The following CNOT7 variants were observed in gnomAD, a reference collection of about 807,000 sequenced individuals.
The protein encoded by CNOT7 is BTG1-binding factor 1.
CNOT7 carries 4 observed loss-of-function variants against 37.1 expected under a neutral mutation model. The observed-to-expected ratio is 0.11, with a 90% CI of 0.05 to 0.25. The LOEUF is 0.25. Among genes scored for constraint, CNOT7 ranks in the 10% least tolerant of loss-of-function variants. The pLI is 1.00. For synonymous variants in CNOT7, 128 were observed against 115.6 expected, an observed-to-expected ratio of 1.11 and a Z score of -0.69; for missense variants, 170 against 336.2, an observed-to-expected ratio of 0.51 and a Z score of 3.87.
chr8:17,244,791 T>C, intron 2 of CNOT7: 3 of 402,576 alleles, frequency 7.5e-6, no homozygotes, highest in Non-Finnish European at 1.3e-5. Flanking sequence ...CTAACTCTTA[T>C]TCAAACGGCC....
rs1403533435 is a variant in CNOT7 at position 17,227,193 on chromosome 8, A to G, written c.*3527T>C. 1.3e-5 allele frequency: 2 copies of G among 151,906 alleles called. No homozygotes were observed. The highest frequency in any genetic ancestry group is 1.9e-4 in the East Asian group (1 of 5,198). 9.4% of individuals were successfully genotyped at this position (151,906 alleles called of 1,614,324 possible). A position where few individuals can be genotyped will look rare whatever the true frequency, so the allele number is the denominator to read the frequency against. ...CACAAGCCTTAAAATTTGACCAAATAAACTTTTTTTCTGCTTCATGCATTT... is the reference window on the plus strand; with the variant it reads ...CACAAGCCTTAAAATTTGACCAAATGAACTTTTTTTCTGCTTCATGCATTT... On this transcript the variant is annotated 3_prime_UTR_variant, in exon 7 of 7. Coordinates refer to ENST00000361272, the MANE Select transcript of CNOT7 (RefSeq NM_013354.7).
chr8:17,246,722 C>G lies in CNOT7; in HGVS notation c.-143G>C, dbSNP rs1251962364. 1 of 191,342 alleles carries G rather than the reference C, an allele frequency of 5.2e-6. No homozygotes were observed. The highest frequency in any genetic ancestry group is 2.4e-5 in the African/African-American group (1 of 41,686). 11.9% of individuals were successfully genotyped at this position (191,342 alleles called of 1,614,324 possible). ...CTCCTCCTCCTCCTCGCCATAGAGA[C>G]AGCACTCGGCGGCGGTGGCGGTGGC... On this transcript the variant is annotated 5_prime_UTR_variant, in exon 1 of 7. Transcript: ENST00000361272.
chr8:17,243,199 T>G lies in CNOT7; in HGVS notation c.118-14A>C. ...AAACTCGGTGTCCTGTAAAATAGTT[T>G]TAAGATTCATTATGTACTAAACAGT... On this transcript the variant is annotated splice_polypyrimidine_tract_variant and intron_variant, in intron 2 of 6. Coordinates refer to ENST00000361272, the MANE Select transcript of CNOT7 (RefSeq NM_013354.7). 2 of 1,572,194 alleles carry G rather than the reference T, an allele frequency of 1.3e-6. No homozygotes were observed. Among genetic ancestry groups the G allele is most frequent in the South Asian group, 1.2e-5 (1 of 83,388 alleles).
At chr8:17,242,014 A>G (rs1429543495) in intron 3 of CNOT7, 1 of 152,224 alleles carries the variant, frequency 6.6e-6, no homozygotes, top group African/African-American at 2.4e-5. Context: ...CCTGGTCAGC[A>G]TGTCGTTCCG....
chr8:17,243,524 T>C (rs1158800947), intron 2 of CNOT7: 1 of 481,570 alleles, frequency 2.1e-6, no homozygotes, highest in Admixed American at 2.3e-5. Context: ...ATTCCAATGC[T>C]AAAACCAAGT....
At chr8:17,231,070 T>C (rs1181279540) in intron 6 of CNOT7, among the ~76,000 whole-genome samples, 2 of 152,102 alleles carry the variant, frequency 1.3e-5, no homozygotes, top group East Asian at 3.9e-4. Context: ...AAAAAAAGTG[T>C]ATAAATGCAT....
chr8:17,245,274 G>A lies in CNOT7; in HGVS notation c.-95-27C>T, dbSNP rs142972655. The stretch of plus-strand genomic sequence containing the variant: ...TGTCAAAATAAAAAAACAATATGAA[G>A]ACCAGATATATCAAATCTGAATCAC... On this transcript the variant is annotated intron_variant, in intron 1 of 6. Transcript: ENST00000361272. 8.3e-4 allele frequency: 806 copies of A among 976,568 alleles called. 4 individuals are homozygous for A. The African/African-American group carries it at 0.013, about 15-fold the overall frequency. 60.5% of individuals were successfully genotyped at this position (976,568 alleles called of 1,614,324 possible).
At position 17,228,056 on chromosome 8, in the gene CNOT7, C is replaced by G. The variant is rs1202299927; in HGVS notation, c.*2664G>C. 1 of 151,900 alleles carries G rather than the reference C, an allele frequency of 6.6e-6. No homozygotes were observed. Among genetic ancestry groups the G allele is most frequent in the Non-Finnish European group, 1.5e-5 (1 of 67,826 alleles). 9.4% of individuals were successfully genotyped at this position (151,900 alleles called of 1,614,324 possible). On this transcript the variant is annotated 3_prime_UTR_variant, in exon 7 of 7. Coordinates refer to ENST00000361272, the MANE Select transcript of CNOT7 (RefSeq NM_013354.7). ...GATAATATGTAAATTAGTGTGGCTGCATTCCAATAAAAACTTATAGACACT... is the reference window on the plus strand; with the variant it reads ...GATAATATGTAAATTAGTGTGGCTGGATTCCAATAAAAACTTATAGACACT...
chr8:17,232,014 G>A, intron 6 of CNOT7: 9 of 1,009,024 alleles, frequency 8.9e-6, no homozygotes, highest in Non-Finnish European at 1.1e-5. Context: ...ACCTTAAAAG[G>A]GGTCATGCTA....
intron 1 of CNOT7, 123 bp from the exon 2 acceptor site, chr8:17,245,370 C>CAA (rs1239979074): frequency 1.2e-5 from 5 of 424,386 alleles, no homozygotes; most frequent in African/African-American, 2.1e-5. Flanking sequence ...AAAAAAAAAT[C>CAA]AAAGTTTAGA....
At chr8:17,233,478 C>G (rs967624760) in intron 5 of CNOT7, among the ~76,000 whole-genome samples, 2 of 152,218 alleles carry the variant, frequency 1.3e-5, no homozygotes, top group African/African-American at 4.8e-5. Context: ...AATTTTAACA[C>G]AGCAGCTTAC....
At position 17,230,504 on chromosome 8, in the gene CNOT7, A is replaced by G. The variant is rs1462641143; in HGVS notation, c.*216T>C. On this transcript the variant is annotated 3_prime_UTR_variant, in exon 7 of 7. Coordinates refer to ENST00000361272, the MANE Select transcript of CNOT7 (RefSeq NM_013354.7). ...ACACGCTTGCTAACAAGTATATTAA[A>G]TTAAGGCCAAATTTAACCTGAATGC... 2 of 330,748 alleles carry G rather than the reference A, an allele frequency of 6.0e-6. No individual in the cohort carries two copies. The allele number at this position is 330,748 out of a possible 1,614,324, so 20.5% of individuals were successfully genotyped here. A position where few individuals can be genotyped will look rare whatever the true frequency, so the allele number is the denominator to read the frequency against.
rs370617159 is a variant in CNOT7, at chr8:17,245,168, G to A, written c.-16C>T. The A allele has an allele frequency of 3.8e-6, 6 of 1,591,740 alleles. No homozygotes were observed. Among genetic ancestry groups the A allele is most frequent in the South Asian group, 3.4e-5 (3 of 87,310 alleles). On this transcript the variant is annotated 5_prime_UTR_variant, in exon 2 of 7. Coordinates refer to ENST00000361272, the MANE Select transcript of CNOT7 (RefSeq NM_013354.7). ...CCGCTGGCATAGTGAGGGCACAAGG[G>A]AGTCTAGATGCCAAGCATCAAAATG...
chr8:17,230,627 G>C lies in CNOT7; in HGVS notation c.*93C>G. ...ATGGGCCATGAAAGGGGGGGGAAAG[G>C]TACTGTCTATTGTTCGAGGGATTCA... On this transcript the variant is annotated 3_prime_UTR_variant, in exon 7 of 7. Coordinates refer to ENST00000361272, the MANE Select transcript of CNOT7 (RefSeq NM_013354.7). The C allele has an allele frequency of 1.8e-6, 2 of 1,081,628 alleles. No homozygotes were observed. The highest frequency in any genetic ancestry group is 2.6e-6 in the Non-Finnish European group (2 of 781,202). The allele number at this position is 1,081,628 out of a possible 1,614,324, so 67.0% of individuals were successfully genotyped here. A position where few individuals can be genotyped will look rare whatever the true frequency, so the allele number is the denominator to read the frequency against.
intron 5 of CNOT7, among the ~76,000 whole-genome samples, chr8:17,233,870 C>T (rs751706380): frequency 1.3e-5 from 2 of 152,118 alleles, no homozygotes; most frequent in African/African-American, 4.8e-5. Flanking sequence ...GTGACCAACA[C>T]GGTAAAACCC....
intron 2 of CNOT7, chr8:17,243,576 C>A: frequency 2.2e-6 from 1 of 460,760 alleles, no homozygotes; most frequent in Non-Finnish European, 4.3e-6. Context: ...ACGCCCTGTA[C>A]TTTCCAATTG....
At chr8:17,242,961 AG>A in intron 3 of CNOT7, 30 bp downstream of exon 3, 1 of 1,447,434 alleles carries the variant, frequency 6.9e-7, no homozygotes, top group Admixed American at 2.6e-5. Flanking sequence ...AAAAAAAAAA[AG>A]TCTGGGTTAT....
intron 3 of CNOT7, among the ~76,000 whole-genome samples, chr8:17,238,001 A>G (rs1809613876): frequency 6.6e-6 from 1 of 152,240 alleles, no homozygotes; most frequent in Admixed American, 6.5e-5. Context: ...TTCCTAAAAG[A>G]CTGCCTTATA....
Position 17,232,416 on chromosome 8 carries a change from T to C in CNOT7, c.729+11A>G, listed in dbSNP as rs749560086. The C allele has an allele frequency of 1.9e-6, 3 of 1,613,652 alleles. No homozygotes were observed. The highest frequency in any genetic ancestry group is 4.5e-5 in the East Asian group (2 of 44,870). ...CAACCAACTGAGAAAAAGGCAGTGA[T>C]GTCTTCATACTTCTCTCATTTTGAA... On this transcript the variant is annotated intron_variant, in intron 6 of 6. Coordinates refer to ENST00000361272, the MANE Select transcript of CNOT7 (RefSeq NM_013354.7).
Sources: allele counts gnomAD v4.1 joint callset (sites outside exome capture counted in the v4.1 genomes callset), GRCh38; gene constraint gnomAD v4.1.1; transcripts MANE v1.5; gene names NCBI Gene and HGNC (gene_info 2026-07-23, HGNC 2026-07-21).